ADD2: variants seen among roughly 807,000 people sequenced by gnomAD.
ADD2 encodes beta-adducin.
In ADD2, 23 loss-of-function variants were observed where a neutral mutation model predicts 83.0. The ratio of observed to expected loss-of-function variants is 0.28; its 90% CI spans 0.20 to 0.39. The LOEUF is 0.39. ADD2 is among the 10% of genes least tolerant of loss of function. The probability of loss-of-function intolerance (pLI) is 1.00; values close to 1 mark genes in which losing one functional copy is unlikely to be tolerated. For missense variants in ADD2, 758 were observed against 944.9 expected, an observed-to-expected ratio of 0.80 and a Z score of 2.59; for synonymous variants, 375 against 375.4, an observed-to-expected ratio of 1.00 and a Z score of 0.01.
intron 1 of ADD2, among the ~76,000 whole-genome samples, chr2:70,750,809 C>T (rs1422170788): frequency 6.6e-6 from 1 of 152,180 alleles, no homozygotes; most frequent in African/African-American, 2.4e-5. Context: ...AATTAATATA[C>T]TCTGTAGCAT....
intron 4 of ADD2, among the ~76,000 whole-genome samples, chr2:70,703,270 G>T (rs1671703226): frequency 1.3e-5 from 2 of 152,164 alleles, no homozygotes; most frequent in Admixed American, 1.3e-4. Context: ...TGTCCAATAT[G>T]TATGTGAAAA....
At chr2:70,747,826 T>C (rs1401273584) in intron 1 of ADD2, among the ~76,000 whole-genome samples, 1 of 152,226 alleles carries the variant, frequency 6.6e-6, no homozygotes, top group African/African-American at 2.4e-5. Context: ...CAGTGGAAAT[T>C]TGAAAACAAA....
At chr2:70,741,155 G>A (rs190173327) in intron 1 of ADD2, among the ~76,000 whole-genome samples, 109 of 152,298 alleles carry the variant, frequency 7.2e-4, no homozygotes, top group Middle Eastern at 3.4e-3. Context: ...TCAGCAGTGG[G>A]AAAATAATGG....
At chr2:70,663,761 C>A in intron 15 of ADD2, 26 bp from the exon 16 acceptor site, 1 of 1,596,106 alleles carries the variant, frequency 6.3e-7, no homozygotes, top group Non-Finnish European at 8.5e-7. Context: ...AAGATATGAC[C>A]TGTAAGATTT....
At position 70,676,536 on chromosome 2, in the gene ADD2, G is replaced by A; in HGVS notation, c.1593+260C>T. ...GAGTTCCATGGCAGGAGGTACGGAA[G>A]CCGGCCGCATCACTCCTGCAGGCAG... On this transcript the variant is annotated intron_variant, in intron 13 of 15. Transcript: ENST00000264436. The surrounding 1 kb of genome is among the most constrained non-coding windows in gnomAD (Gnocchi z 4.8). 7.2e-7 allele frequency: 1 copy of A among 1,390,102 alleles called. No homozygotes were observed. The highest frequency in any genetic ancestry group is 9.4e-7 in the Non-Finnish European group (1 of 1,067,094). The allele number at this position is 1,390,102 out of a possible 1,614,324, so 86.1% of individuals were successfully genotyped here.
intron 4 of ADD2, among the ~76,000 whole-genome samples, chr2:70,698,407 A>T (rs181895057): frequency 2.1e-3 from 313 of 152,366 alleles, no homozygotes; most frequent in Non-Finnish European, 2.9e-3. Context: ...GGAGCTCCCG[A>T]TCCCCTGCTC....
chr2:70,726,758 G>T (rs1300741279), intron 1 of ADD2, among the ~76,000 whole-genome samples: 2 of 152,196 alleles, frequency 1.3e-5, no homozygotes, highest in African/African-American at 2.4e-5. Flanking sequence ...AGACAAGAGA[G>T]GAGAGGCCCC....
At chr2:70,759,699 G>A (rs898151189) in intron 1 of ADD2, among the ~76,000 whole-genome samples, 40 of 152,086 alleles carry the variant, frequency 2.6e-4, no homozygotes, top group African/African-American at 9.7e-4. Context: ...TTTGCTTTCT[G>A]TCAGGAGTGG....
At chr2:70,704,263 T>TGGCCCCCCCCCCCCCCCCCCCCCCACCC in intron 4 of ADD2, 58 bp downstream of exon 4, 2 of 913,236 alleles carry the variant, frequency 2.2e-6, no homozygotes, top group Non-Finnish European at 3.4e-6. Context: ...CTCCCTCTCT[T>TGGCCCCCCCCCCCCCCCCCCCCCCACCC]CCCCACCCCA....
chr2:70,758,579 T>G (rs1286156573), intron 1 of ADD2, among the ~76,000 whole-genome samples: 2 of 151,992 alleles, frequency 1.3e-5, no homozygotes, highest in African/African-American at 4.8e-5. Context: ...AATGATGAGA[T>G]TAGATTTTTG....
intron 9 of ADD2, among the ~76,000 whole-genome samples, chr2:70,684,378 G>C (rs1021528812): frequency 2.6e-5 from 4 of 152,166 alleles, no homozygotes; most frequent in Non-Finnish European, 5.9e-5. Flanking sequence ...CTCCTGAGTA[G>C]CTGGGACTAC....
chr2:70,759,479 C>A (rs1479757241), intron 1 of ADD2, among the ~76,000 whole-genome samples: 2 of 152,012 alleles, frequency 1.3e-5, no homozygotes, highest in Non-Finnish European at 2.9e-5. Context: ...CCCTCCAAAG[C>A]CCATGTTGAA....
chr2:70,678,166 T>C (rs1553368770), intron 11 of ADD2, among the ~76,000 whole-genome samples: 2 of 152,222 alleles, frequency 1.3e-5, no homozygotes, highest in African/African-American at 2.4e-5. Context: ...AGGCAACCAC[T>C]TGGGCTTCAG....
intron 14 of ADD2, among the ~76,000 whole-genome samples, chr2:70,673,720 CTGAG>C (rs782493208): frequency 2.6e-5 from 4 of 152,164 alleles, no homozygotes; most frequent in Non-Finnish European, 4.4e-5. Context: ...CCACAGCCTC[CTGAG>C]TATCTGAGAT....
chr2:70,686,866 C>T lies in ADD2; in HGVS notation c.948+1158G>A, dbSNP rs975555364. ...CTTCACAGCTATCCTCACCACATAT[C>T]CTTTTAAAACGATTGAAAAGGTCCC... On this transcript the variant is annotated intron_variant, in intron 9 of 15. Transcript: ENST00000264436. 3.3e-5 allele frequency among the ~76,000 whole-genome samples: 5 copies of T among 152,296 alleles called. No individual in the cohort carries two copies. In the East Asian group the frequency reaches 7.7e-4, roughly 24 times the overall value.
chr2:70,683,718 T>A lies in ADD2; in HGVS notation c.998A>T (p.Glu333Val). ...AGGVENLILL[E>V]QEKHRPHEVG... The stretch of plus-strand genomic sequence containing the variant: ...CTCATGGGGCCGGTGCTTCTCCTGC[T>A]CCAGGAGGATGAGGTTCTCCACTCC... The change falls in exon 10 of 16, where the codon GAG (glutamate) becomes GTG (valine). Residue 333 changes from glutamate to valine, a missense_variant. Around this residue, in one of 5 missense-constraint regions of ADD2, gnomAD observed 394 missense variants for 509.3 expected, o/e 0.77. Transcript: ENST00000264436. 5 of 1,614,028 alleles carry A rather than the reference T, an allele frequency of 3.1e-6. No homozygotes were observed. Among genetic ancestry groups the A allele is most frequent in the Non-Finnish European group, 3.4e-6 (4 of 1,179,964 alleles).
chr2:70,704,211 T>A, intron 4 of ADD2, 110 bp downstream of exon 4: 1 of 1,401,078 alleles, frequency 7.1e-7, no homozygotes. Context: ...CACAATGGGC[T>A]GCTTACTCCA....
At chr2:70,711,470 A>T (rs1161127669) in intron 2 of ADD2, among the ~76,000 whole-genome samples, 1 of 152,150 alleles carries the variant, frequency 6.6e-6, no homozygotes, top group African/African-American at 2.4e-5. Context: ...GAGGGGCTAG[A>T]GATTGAGTCC....
At chr2:70,708,687 G>A (rs1672026160) in intron 2 of ADD2, among the ~76,000 whole-genome samples, 1 of 152,152 alleles carries the variant, frequency 6.6e-6, no homozygotes, top group Non-Finnish European at 1.5e-5. Context: ...GTTACATTAA[G>A]TTTGGCCTAA....
Sources: gnomAD v4.1 joint callset for allele counts (sites outside exome capture counted in the v4.1 genomes callset) on GRCh38, gnomAD v4.1.1 for gene constraint, gnomAD v4.1.1 regional missense constraint, Gnocchi (gnomAD v3.1) non-coding constraint, MANE v1.5 for transcripts, NCBI Gene and HGNC (gene_info 2026-07-23, HGNC 2026-07-21) for gene names.